The following SERPINI1 variants were observed in gnomAD, a reference collection of about 807,000 sequenced individuals.
SERPINI1 encodes the protein neuroserpin.
A neutral mutation model predicts 41.1 loss-of-function variants in SERPINI1; 19 were observed. The observed-to-expected ratio is 0.46, with a 90% CI of 0.32 to 0.68. The LOEUF (loss-of-function observed/expected upper bound fraction) is 0.68. Ranked by LOEUF, SERPINI1 falls within the 30% of genes least tolerant of loss-of-function variation. The pLI is 0.03. For synonymous variants in SERPINI1, 138 were observed against 156.6 expected, an observed-to-expected ratio of 0.88 and a Z score of 0.89; for missense variants, 460 against 479.2, an observed-to-expected ratio of 0.96 and a Z score of 0.37.
intron 6 of SERPINI1, among the ~76,000 whole-genome samples, chr3:167,807,611 C>T (rs867257628): frequency 6.6e-6 from 1 of 152,140 alleles, no homozygotes; most frequent in African/African-American, 2.4e-5. Context: ...GATTCCCCAT[C>T]CCATCTGACA....
chr3:167,808,854 C>T (rs763307765), intron 6 of SERPINI1, among the ~76,000 whole-genome samples: 24 of 152,092 alleles, frequency 1.6e-4, no homozygotes, highest in Non-Finnish European at 3.2e-4. Context: ...TAATAGCTTT[C>T]GAGAAATTCT....
At chr3:167,791,027 C>A (rs963068513) in intron 3 of SERPINI1, among the ~76,000 whole-genome samples, 1 of 151,958 alleles carries the variant, frequency 6.6e-6, no homozygotes, top group Non-Finnish European at 1.5e-5. Context: ...AACCAAAGAA[C>A]TTCATTGGTA....
chr3:167,770,210 A>G (rs1345636005), intron 1 of SERPINI1, among the ~76,000 whole-genome samples: 1 of 151,820 alleles, frequency 6.6e-6, no homozygotes, highest in Non-Finnish European at 1.5e-5. Flanking sequence ...TTTTTAAAGT[A>G]TATGTTTAAA....
Position 167,757,394 on chromosome 3 carries a change from C to T in SERPINI1, c.-19+21571C>T, listed in dbSNP as rs9866873. On this transcript the variant is annotated intron_variant, in intron 1 of 8. Transcript: ENST00000446050. ...TGAGTAAAGGAATTAATATGATCTC[C>T]TTGGTGTTACATAGGAATTTCTGTT... Among the ~76,000 whole-genome samples the T allele has an allele frequency of 5.8e-3, 877 of 151,880 alleles. 5 individuals carry two copies. The highest frequency in any genetic ancestry group is 7.8e-3 in the Non-Finnish European group (533 of 67,982).
At position 167,746,085 on chromosome 3, in the gene SERPINI1, C is replaced by T. The variant is rs79706187; in HGVS notation, c.-19+10262C>T. Among the ~76,000 whole-genome samples, 1,457 of 152,192 alleles carry T rather than the reference C, an allele frequency of 9.6e-3. 29 individuals carry two copies. In the East Asian group the frequency reaches 0.096, roughly 10 times the overall value. On this transcript the variant is annotated intron_variant, in intron 1 of 8. Transcript: ENST00000446050. The stretch of plus-strand genomic sequence containing the variant: ...AGGACTCACATAGAAATGCAAGGAA[C>T]CCAGATGTATGTGTCAGTGGAACAG...
At chr3:167,815,399 C>G (rs1205622395) in intron 6 of SERPINI1, among the ~76,000 whole-genome samples, 1 of 134,456 alleles carries the variant, frequency 7.4e-6, no homozygotes, top group African/African-American at 2.8e-5. Context: ...CTTTTTTTTT[C>G]TTTTTTGTGA....
chr3:167,758,346 A>G (rs1050299541), intron 1 of SERPINI1, among the ~76,000 whole-genome samples: 4 of 152,224 alleles, frequency 2.6e-5, no homozygotes, highest in African/African-American at 9.6e-5. Flanking sequence ...TAATGATAGC[A>G]ATGTATTATA....
chr3:167,757,167 C>A (rs1467044484), intron 1 of SERPINI1, among the ~76,000 whole-genome samples: 1 of 152,036 alleles, frequency 6.6e-6, no homozygotes, highest in Non-Finnish European at 1.5e-5. Context: ...GATCAAAGAC[C>A]AACCCTCCTG....
At chr3:167,819,481 A>C (rs904071841) in intron 6 of SERPINI1, among the ~76,000 whole-genome samples, 12 of 152,214 alleles carry the variant, frequency 7.9e-5, no homozygotes, top group African/African-American at 2.9e-4. Flanking sequence ...TCTTCTAGTC[A>C]ACAAATACAT....
At chr3:167,822,669 A>C (rs1020476822) in intron 6 of SERPINI1, among the ~76,000 whole-genome samples, 1 of 152,162 alleles carries the variant, frequency 6.6e-6, no homozygotes, top group Non-Finnish European at 1.5e-5. Context: ...AATGTGTGAG[A>C]TATTTTAGTC....
intron 6 of SERPINI1, among the ~76,000 whole-genome samples, chr3:167,820,540 G>C (rs1371923891): frequency 6.6e-6 from 1 of 152,228 alleles, no homozygotes; most frequent in Non-Finnish European, 1.5e-5. Flanking sequence ...TCATGAGCTG[G>C]CCGGGTGTGC....
chr3:167,795,207 G>T (rs1031651809), intron 5 of SERPINI1, among the ~76,000 whole-genome samples: 2 of 152,218 alleles, frequency 1.3e-5, no homozygotes, highest in South Asian at 4.1e-4. Flanking sequence ...TAACACTTAA[G>T]ATTGATTATG....
chr3:167,775,429 T>C (rs1262341700), intron 1 of SERPINI1, among the ~76,000 whole-genome samples: 1 of 151,646 alleles, frequency 6.6e-6, no homozygotes, highest in Non-Finnish European at 1.5e-5. Context: ...CCGGCTAATT[T>C]TTGTATTTTT....
intron 6 of SERPINI1, among the ~76,000 whole-genome samples, chr3:167,810,502 C>A (rs1039318192): frequency 1.8e-4 from 28 of 152,196 alleles, no homozygotes; most frequent in African/African-American, 6.5e-4. Flanking sequence ...ATTAAAGGTA[C>A]AAAGACATTA....
intron 1 of SERPINI1, among the ~76,000 whole-genome samples, chr3:167,772,520 T>C (rs1417697952): frequency 6.6e-6 from 1 of 152,136 alleles, no homozygotes; most frequent in African/African-American, 2.4e-5. Context: ...TGTATAGATC[T>C]CTTATGGAGT....
intron 1 of SERPINI1, among the ~76,000 whole-genome samples, chr3:167,740,092 A>G (rs1344801891): frequency 1.4e-5 from 2 of 147,198 alleles, no homozygotes; most frequent in Non-Finnish European, 3.0e-5. Context: ...GAATGCAGTG[A>G]CCTGATCATA....
At chr3:167,766,993 G>A (rs1726586638) in intron 1 of SERPINI1, among the ~76,000 whole-genome samples, 1 of 152,214 alleles carries the variant, frequency 6.6e-6, no homozygotes, top group African/African-American at 2.4e-5. Flanking sequence ...TGATGAAGGT[G>A]GCTACACTAA....
intron 1 of SERPINI1, among the ~76,000 whole-genome samples, chr3:167,783,743 G>GAGCCAGC (rs1442526880): frequency 6.6e-6 from 1 of 151,938 alleles, no homozygotes; most frequent in African/African-American, 2.4e-5. Flanking sequence ...GCAAAGGAGG[G>GAGCCAGC]AGCCAGCAAC....
At chr3:167,786,802 C>T (rs1013252001) in intron 1 of SERPINI1, among the ~76,000 whole-genome samples, 5 of 151,842 alleles carry the variant, frequency 3.3e-5, no homozygotes, top group Non-Finnish European at 5.9e-5. Flanking sequence ...ACTTTTTGAC[C>T]GTTTTGTAAT....
Sources: allele counts gnomAD v4.1 joint callset (sites outside exome capture counted in the v4.1 genomes callset), GRCh38; gene constraint gnomAD v4.1.1; transcripts MANE v1.5; gene names NCBI Gene and HGNC (gene_info 2026-07-23, HGNC 2026-07-21).